OR1F1: variants seen among roughly 807,000 people sequenced by gnomAD.
OR1F1 encodes olfactory receptor 1F1.
For synonymous variants in OR1F1, 184 were observed against 156.7 expected, an observed-to-expected ratio of 1.17 and a Z score of -1.30; for missense variants, 493 against 376.3, an observed-to-expected ratio of 1.31 and a Z score of -2.57.
chr16:3,204,830 A>C (rs777974297), exon 1 of OR1F1: 1 of 1,613,884 alleles, frequency 6.2e-7, no homozygotes, highest in African/African-American at 1.3e-5. Flanking sequence ...ACACACCTCA[A>C]TGAGGTCATA....
the OR1F1 span, among the ~76,000 whole-genome samples, chr16:3,190,230 C>A: frequency 1.3e-5 from 2 of 152,044 alleles, no homozygotes. Flanking sequence ...CTGCGTGTAG[C>A]CTCTTGGGGC....
At chr16:3,189,506 C>G in the OR1F1 span, among the ~76,000 whole-genome samples, 1 of 152,222 alleles carries the variant, frequency 6.6e-6, no homozygotes, top group South Asian at 2.1e-4. Context: ...CACCCATCCT[C>G]ACTTGAAATT....
the OR1F1 span, among the ~76,000 whole-genome samples, chr16:3,196,416 C>T: frequency 6.6e-6 from 1 of 152,104 alleles, no homozygotes; most frequent in Non-Finnish European, 1.5e-5. Flanking sequence ...TGGGGTCTCC[C>T]TCTGTTGCCC....
upstream of OR1F1, among the ~76,000 whole-genome samples, chr16:3,200,149 C>T (rs1319220006): frequency 3.3e-5 from 5 of 152,066 alleles, no homozygotes; most frequent in East Asian, 9.7e-4. Context: ...TTTATGGGAG[C>T]CTTAAATGGT....
the OR1F1 span, among the ~76,000 whole-genome samples, chr16:3,189,518 C>G: frequency 9.2e-5 from 14 of 152,012 alleles, no homozygotes; most frequent in African/African-American, 3.4e-4. Flanking sequence ...CTTGAAATTG[C>G]CCCTTCCAGG....
upstream of OR1F1, among the ~76,000 whole-genome samples, chr16:3,200,066 C>T (rs1364152781): frequency 6.6e-6 from 1 of 151,806 alleles, no homozygotes. Flanking sequence ...AGACAGTACA[C>T]CCTGAGAGAG....
At chr16:3,190,961 C>G in the OR1F1 span, among the ~76,000 whole-genome samples, 44,052 of 151,958 alleles carry the variant, frequency 0.29, 6,803 homozygotes, top group African/African-American at 0.39. Context: ...ATTGAAAAAA[C>G]AACCAAATAG....
At chr16:3,196,316 G>A in the OR1F1 span, among the ~76,000 whole-genome samples, 3 of 152,218 alleles carry the variant, frequency 2.0e-5, no homozygotes, top group Non-Finnish European at 4.4e-5. Flanking sequence ...GTTTTTGGAT[G>A]AAGGTTAGTA....
At chr16:3,204,789 G>A in exon 1 of OR1F1, 1 of 1,614,118 alleles carries the variant, frequency 6.2e-7, no homozygotes, top group Non-Finnish European at 8.5e-7. Context: ...TCTGCGATGT[G>A]ACTCCCCTAC....
chr16:3,197,580 GCCACATGTCAAGGGCTCCAGAGCCAC>G, the OR1F1 span, among the ~76,000 whole-genome samples: 7 of 1,528 alleles, frequency 4.6e-3, no homozygotes, highest in African/African-American at 8.0e-3. Context: ...CTTAAATGTG[GCCACATGTCAAGGGCTCCAGAGCCAC>G]CTGCTGCTGG....
In OR1F1 at chr16:3,204,340, C is replaced by G. The variant is rs778944660; in HGVS notation, c.94C>G (p.Leu32Val). Residue 32 changes from leucine to valine, a missense_variant, in exon 1 of 1, where the codon CTC becomes GTC. Coordinates refer to ENST00000304646, the Ensembl canonical transcript of OR1F1. The stretch of plus-strand genomic sequence containing the variant: ...GCAGCATCTCCTCTTTGTGTTCTTC[C>G]TCAGCATGTACCTGGCCACTGTCCT... The G allele has an allele frequency of 1.5e-4, 244 of 1,614,016 alleles. No homozygotes were observed. Among genetic ancestry groups the G allele is most frequent in the Non-Finnish European group, 1.9e-4 (228 of 1,180,030 alleles).
upstream of OR1F1, among the ~76,000 whole-genome samples, chr16:3,199,342 A>T (rs1958109980): frequency 6.6e-6 from 1 of 151,604 alleles, no homozygotes; most frequent in Non-Finnish European, 1.5e-5. Context: ...ATAAAAATAT[A>T]TAATAAAAGA....
At chr16:3,204,919 G>A (rs1194806756) in exon 1 of OR1F1, 1 of 1,614,116 alleles carries the variant, frequency 6.2e-7, no homozygotes, top group Non-Finnish European at 8.5e-7. Flanking sequence ...CACCTGCACT[G>A]TCCTGAAGGT....
upstream of OR1F1, among the ~76,000 whole-genome samples, chr16:3,202,780 G>A (rs937842608): frequency 9.9e-5 from 15 of 151,788 alleles, no homozygotes; most frequent in East Asian, 2.3e-3. Context: ...TAAGAGTCAC[G>A]AGATATTTAA....
the OR1F1 span, among the ~76,000 whole-genome samples, chr16:3,192,859 G>A: frequency 6.6e-6 from 1 of 152,126 alleles, no homozygotes; most frequent in Admixed American, 6.5e-5. Flanking sequence ...GCGGTCCGGT[G>A]GGGTGTCTGA....
At chr16:3,197,468 A>G in the OR1F1 span, among the ~76,000 whole-genome samples, 881 of 152,082 alleles carry the variant, frequency 5.8e-3, 9 homozygotes, top group Non-Finnish European at 8.0e-3. Flanking sequence ...CTTTCCTCTA[A>G]GGCACATCTC....
At chr16:3,205,037 C>G (rs149164669) in exon 1 of OR1F1, 2 of 1,614,132 alleles carry the variant, frequency 1.2e-6, no homozygotes, top group Non-Finnish European at 1.7e-6. Flanking sequence ...AACCCTCTGT[C>G]CTCCCACTCA....
rs147681820 is a variant in OR1F1, at chr16:3,204,988, G to C, written c.742G>C (p.Val248Leu). Reference sequence around the variant, plus strand: ...CACCTGTGGTTCTCACCTGGCTGTGGTTCTCCTCTTCTACAGCACCATCAT... The same window carrying C: ...CACCTGTGGTTCTCACCTGGCTGTGCTTCTCCTCTTCTACAGCACCATCAT... The change falls in exon 1 of 1, where the codon GTT becomes CTT. Residue 248 changes from valine to leucine, a missense_variant. By Grantham distance (32) the Val-to-Leu change is conservative. Coordinates refer to ENST00000304646, the Ensembl canonical transcript of OR1F1. 57 of 1,614,062 alleles carry C rather than the reference G, an allele frequency of 3.5e-5. No individual in the cohort carries two copies. The African/African-American group carries it at 7.5e-4, about 21-fold the overall frequency.
the OR1F1 span, among the ~76,000 whole-genome samples, chr16:3,192,873 G>T: frequency 6.6e-6 from 1 of 152,204 alleles, no homozygotes; most frequent in African/African-American, 2.4e-5. Flanking sequence ...TGTCTGACTC[G>T]CGCCGTCTGC....
Sources: gnomAD v4.1 joint callset for allele counts (sites outside exome capture counted in the v4.1 genomes callset) on GRCh38, gnomAD v4.1.1 for gene constraint, MANE v1.5 for transcripts, NCBI Gene and HGNC (gene_info 2026-07-23, HGNC 2026-07-21) for gene names.